The following TARP variants were observed in gnomAD, a reference collection of about 807,000 sequenced individuals.
chr7:38,269,379 CA>C, the TARP span: 1 of 630,000 alleles, frequency 1.6e-6, no homozygotes, highest in Admixed American at 2.6e-5. Context: ...TTTTCTACAT[CA>C]AATCCCCATC....
the TARP span, chr7:38,265,422 G>C: frequency 6.2e-7 from 1 of 1,612,102 alleles, no homozygotes; most frequent in Non-Finnish European, 8.5e-7. Context: ...CGATACATCT[G>C]TGTTCTTTGT....
At chr7:38,273,492 T>G in the TARP span, 1 of 1,024,724 alleles carries the variant, frequency 9.8e-7, no homozygotes, top group Non-Finnish European at 1.5e-6. Context: ...TCACCATGAT[T>G]AGTGACCAAG....
At chr7:38,263,129 G>A in the TARP span, among the ~76,000 whole-genome samples, 1 of 151,554 alleles carries the variant, frequency 6.6e-6, no homozygotes, top group South Asian at 2.1e-4. Context: ...AGTGTTTCTG[G>A]ACATAACAAC....
At chr7:38,268,103 A>T in the TARP span, among the ~76,000 whole-genome samples, 6 of 151,616 alleles carry the variant, frequency 4.0e-5, no homozygotes, top group Non-Finnish European at 1.5e-5. Context: ...CATGATTTTT[A>T]AAATACTACT....
chr7:38,269,005 C>T, the TARP span, among the ~76,000 whole-genome samples: 1 of 151,588 alleles, frequency 6.6e-6, no homozygotes. Flanking sequence ...ACTGTTATCC[C>T]ATTTTATGGA....
chr7:38,271,093 A>G, the TARP span, among the ~76,000 whole-genome samples: 1 of 150,734 alleles, frequency 6.6e-6, no homozygotes. Context: ...GCTTTAGATC[A>G]TCTGTATATA....
the TARP span, chr7:38,269,511 C>A: frequency 8.4e-6 from 6 of 710,620 alleles, no homozygotes; most frequent in South Asian, 9.1e-5. Context: ...AAGTGTTGTT[C>A]CACTGCCAAA....
chr7:38,269,770 C>T, the TARP span, among the ~76,000 whole-genome samples: 1 of 151,898 alleles, frequency 6.6e-6, no homozygotes, highest in Non-Finnish European at 1.5e-5. Context: ...TGAAGTGAGA[C>T]CAAAATGAAA....
the TARP span, among the ~76,000 whole-genome samples, chr7:38,268,228 A>T: frequency 6.6e-6 from 1 of 151,308 alleles, no homozygotes; most frequent in African/African-American, 2.4e-5. Flanking sequence ...AATTTATTTT[A>T]TTGTTGGATT....
the TARP span, chr7:38,259,872 C>G: frequency 2.0e-6 from 1 of 512,462 alleles, no homozygotes; most frequent in African/African-American, 1.9e-5. Context: ...GAGATTGGTG[C>G]TGGAGATCGC....
At chr7:38,273,464 C>A in the TARP span, 1 of 805,754 alleles carries the variant, frequency 1.2e-6, no homozygotes, top group East Asian at 2.6e-5. Context: ...ACCAAGTCAC[C>A]TGACCTCTCT....
the TARP span, among the ~76,000 whole-genome samples, chr7:38,264,281 G>A: frequency 6.6e-6 from 1 of 151,780 alleles, no homozygotes; most frequent in Non-Finnish European, 1.5e-5. Context: ...TAGCTGCCTT[G>A]GGAAGCTCAT....
chr7:38,268,185 G>T, the TARP span, among the ~76,000 whole-genome samples: 1 of 151,064 alleles, frequency 6.6e-6, no homozygotes, highest in Admixed American at 6.6e-5. Flanking sequence ...ATAACAAATA[G>T]AATTTACATA....
chr7:38,264,834 A>C, the TARP span, among the ~76,000 whole-genome samples: 1 of 151,808 alleles, frequency 6.6e-6, no homozygotes, highest in East Asian at 1.9e-4. Flanking sequence ...TTTTAGATAA[A>C]CATCATTCTG....
the TARP span, chr7:38,259,648 T>A: frequency 7.5e-5 from 12 of 160,798 alleles, no homozygotes; most frequent in East Asian, 1.8e-3. Context: ...AAGTCAACTT[T>A]TCATTTTTTT....
the TARP span, among the ~76,000 whole-genome samples, chr7:38,264,902 T>A: frequency 2.0e-5 from 3 of 151,818 alleles, no homozygotes; most frequent in African/African-American, 7.3e-5. Context: ...TAGGTTAAAC[T>A]TTGTGGGTAG....
chr7:38,262,781 A>G, the TARP span, among the ~76,000 whole-genome samples: 1 of 151,098 alleles, frequency 6.6e-6, no homozygotes, highest in Non-Finnish European at 1.5e-5. Flanking sequence ...CAGCCTTCTG[A>G]GTAGCTGGGA....
chr7:38,265,166 T>G, the TARP span, among the ~76,000 whole-genome samples: 2 of 151,368 alleles, frequency 1.3e-5, no homozygotes, highest in South Asian at 2.1e-4. Flanking sequence ...TTTTTCAATT[T>G]TGTTTTCTCC....
At chr7:38,273,490 A>T in the TARP span, 3 of 1,011,676 alleles carry the variant, frequency 3.0e-6, no homozygotes, top group Non-Finnish European at 4.5e-6. Flanking sequence ...TTTCACCATG[A>T]TTAGTGACCA....
Sources: allele counts gnomAD v4.1 joint callset (sites outside exome capture counted in the v4.1 genomes callset), GRCh38; gene constraint gnomAD v4.1.1; transcripts MANE v1.5.